Variants in WDR41 observed in about 807,000 individuals in gnomAD.
WDR41 encodes the protein WD repeat domain 41.
WDR41 carries 63 observed loss-of-function variants against 69.3 expected under a neutral mutation model. That is an observed-to-expected ratio of 0.91 (90% CI 0.74 to 1.12). The LOEUF is 1.12. Among genes scored for constraint, WDR41 ranks in the 50% most tolerant of loss-of-function variants. The pLI is 0.00. For synonymous variants in WDR41, 185 were observed against 192.1 expected, an observed-to-expected ratio of 0.96 and a Z score of 0.31; for missense variants, 543 against 534.5, an observed-to-expected ratio of 1.02 and a Z score of -0.16.
intron 1 of WDR41, among the ~76,000 whole-genome samples, chr5:77,599,756 G>A (rs1314817756): frequency 1.3e-5 from 2 of 152,130 alleles, no homozygotes; most frequent in Non-Finnish European, 2.9e-5. Context: ...GGTGGTGGGA[G>A]GTGGTGGCAT....
intron 1 of WDR41, among the ~76,000 whole-genome samples, chr5:77,502,454 A>G (rs1479774532): frequency 6.6e-6 from 1 of 152,194 alleles, no homozygotes; most frequent in Non-Finnish European, 1.5e-5. Flanking sequence ...TCTTCAGGAT[A>G]TTATCCAGGA....
intron 1 of WDR41, among the ~76,000 whole-genome samples, chr5:77,573,059 G>C (rs1743760493): frequency 1.3e-5 from 2 of 152,116 alleles, no homozygotes; most frequent in South Asian, 4.1e-4. Flanking sequence ...TGATGCCACA[G>C]AGCCACAATT....
chr5:77,453,835 T>C lies in WDR41; in HGVS notation c.505A>G (p.Ser169Gly), dbSNP rs755264431. Residue 169 changes from serine (S) to glycine (G), a missense_variant, in exon 6 of 13, where the codon AGC becomes GGC. Ser to Gly is a moderately conservative substitution (Grantham distance 56, BLOSUM62 0). Transcript: ENST00000296679. ...TTTTTACCTGTATCAGAAAGGTGGCTAGTCTTACACAGGAGATCTAATTTT... is the reference window on the plus strand; with the variant it reads ...TTTTTACCTGTATCAGAAAGGTGGCCAGTCTTACACAGGAGATCTAATTTT... Reference protein sequence around the residue: ...NRKLDLLCKTSHLSDTGISAL... With the variant: ...NRKLDLLCKTGHLSDTGISAL... 4.3e-6 allele frequency: 7 copies of C among 1,613,832 alleles called. No individual in the cohort carries two copies. Among genetic ancestry groups the C allele is most frequent in the Non-Finnish European group, 5.9e-6 (7 of 1,179,872 alleles).
chr5:77,609,977 T>G (rs1246980102), intron 1 of WDR41, among the ~76,000 whole-genome samples: 2 of 151,994 alleles, frequency 1.3e-5, no homozygotes, highest in Non-Finnish European at 2.9e-5. Flanking sequence ...CTGATGGAGC[T>G]GAAAGCCAAG....
At chr5:77,438,703 T>C (rs538435180) in intron 9 of WDR41, among the ~76,000 whole-genome samples, 1 of 152,298 alleles carries the variant, frequency 6.6e-6, no homozygotes, top group African/African-American at 2.4e-5. Flanking sequence ...ACCTGAGTTT[T>C]CATTTAAATA....
In WDR41 at chr5:77,431,286, T is replaced by G. The variant is rs1798712938; in HGVS notation, c.*1849A>C. 6.6e-6 allele frequency: 1 copy of G among 152,534 alleles called. No homozygotes were observed. Among genetic ancestry groups the G allele is most frequent in the Non-Finnish European group, 1.5e-5 (1 of 68,032 alleles). 9.4% of individuals were successfully genotyped at this position (152,534 alleles called of 1,614,324 possible). On this transcript the variant is annotated 3_prime_UTR_variant, in exon 13 of 13. Transcript: ENST00000296679. ...GCCACCCCAACCTTCAGTAACCACCTTAGTCAACAGCCAGCAGTATCAAGA... is the reference window on the plus strand; with the variant it reads ...GCCACCCCAACCTTCAGTAACCACCGTAGTCAACAGCCAGCAGTATCAAGA...
intron 2 of WDR41, among the ~76,000 whole-genome samples, chr5:77,481,175 G>A (rs993852602): frequency 2.0e-5 from 3 of 152,002 alleles, no homozygotes; most frequent in African/African-American, 7.2e-5. Context: ...ACGCATGGCT[G>A]ATTTTTGTAT....
At chr5:77,609,245 G>A (rs1744490502) in intron 1 of WDR41, among the ~76,000 whole-genome samples, 1 of 152,228 alleles carries the variant, frequency 6.6e-6, no homozygotes, top group South Asian at 2.1e-4. Context: ...CAAACAAAAA[G>A]ACAGCAGTAA....
chr5:77,566,783 G>A (rs1291018982), intron 1 of WDR41, among the ~76,000 whole-genome samples: 6 of 152,148 alleles, frequency 3.9e-5, no homozygotes, highest in African/African-American at 1.4e-4. Context: ...GACCTGCTAT[G>A]CCTCAGGGTG....
At position 77,433,101 on chromosome 5, in the gene WDR41, A is replaced by G; in HGVS notation, c.*34T>C. On this transcript the variant is annotated 3_prime_UTR_variant, in exon 13 of 13. Coordinates refer to ENST00000296679, the MANE Select transcript of WDR41 (RefSeq NM_018268.4). ...GAGTAGTACCCGATATTTGATGTTC[A>G]AGGTTCATGCATGTGTATTTTTAAT... 1 of 1,570,070 alleles carries G rather than the reference A, an allele frequency of 6.4e-7. No individual in the cohort carries two copies. Among genetic ancestry groups the G allele is most frequent in the Non-Finnish European group, 8.6e-7 (1 of 1,158,978 alleles).
In WDR41 at chr5:77,472,826, G is replaced by A. The variant is rs564964095; in HGVS notation, c.168-8017C>T. Among the ~76,000 whole-genome samples the A allele has an allele frequency of 5.4e-3, 818 of 152,038 alleles. 5 individuals carry two copies. Among genetic ancestry groups the A allele is most frequent in the Non-Finnish European group, 9.1e-3 (617 of 67,972 alleles). On this transcript the variant is annotated intron_variant, in intron 2 of 12. Transcript: ENST00000296679. ...CTCATGGGTAGGAAGAATCAATATC[G>A]TGAAAATGGCCATACTGCCCAAGGT... is the stretch of plus-strand genomic sequence containing the variant.
chr5:77,600,748 C>A (rs1054114697), intron 1 of WDR41, among the ~76,000 whole-genome samples: 1 of 151,970 alleles, frequency 6.6e-6, no homozygotes, highest in South Asian at 2.1e-4. Flanking sequence ...GGGGCAGTGG[C>A]AGGTGCCTGT....
intron 1 of WDR41, among the ~76,000 whole-genome samples, chr5:77,560,109 C>T (rs571123340): frequency 2.3e-4 from 35 of 152,258 alleles, no homozygotes; most frequent in African/African-American, 6.3e-4. Context: ...ATTGCTTTAA[C>T]TGTGATTCAT....
At chr5:77,472,392 C>G (rs1390500367) in intron 2 of WDR41, among the ~76,000 whole-genome samples, 1 of 151,292 alleles carries the variant, frequency 6.6e-6, no homozygotes, top group Non-Finnish European at 1.5e-5. Flanking sequence ...CTCACCACTC[C>G]TATTCAACAT....
At chr5:77,504,048 G>A (rs1802066178) in intron 1 of WDR41, among the ~76,000 whole-genome samples, 1 of 148,612 alleles carries the variant, frequency 6.7e-6, no homozygotes, top group Admixed American at 6.8e-5. Flanking sequence ...GAAGGAGATA[G>A]AGACACGAAA....
chr5:77,494,896 T>TTAGGC (rs1195752034), upstream of WDR41, among the ~76,000 whole-genome samples: 1 of 152,122 alleles, frequency 6.6e-6, no homozygotes, highest in East Asian at 1.9e-4. Context: ...AGACCATATG[T>TTAGGC]TAGGCCACAA....
At chr5:77,608,374 T>C (rs569190356) in intron 1 of WDR41, among the ~76,000 whole-genome samples, 1 of 152,224 alleles carries the variant, frequency 6.6e-6, no homozygotes, top group Non-Finnish European at 1.5e-5. Context: ...AAACATTACA[T>C]GCCTCCTGAT....
chr5:77,468,967 G>GA, intron 2 of WDR41, among the ~76,000 whole-genome samples: 1 of 151,802 alleles, frequency 6.6e-6, no homozygotes, highest in Non-Finnish European at 1.5e-5. Flanking sequence ...TCTTTTTGTT[G>GA]AAAAAAGTTG....
At chr5:77,571,521 C>T (rs1015262920) in intron 1 of WDR41, among the ~76,000 whole-genome samples, 1 of 152,138 alleles carries the variant, frequency 6.6e-6, no homozygotes, top group South Asian at 2.1e-4. Context: ...TTGCTGCACT[C>T]CCAAGTTTCC....
Sources: gnomAD v4.1 joint callset for allele counts (sites outside exome capture counted in the v4.1 genomes callset) on GRCh38, gnomAD v4.1.1 for gene constraint, MANE v1.5 for transcripts, NCBI Gene and HGNC (gene_info 2026-07-23, HGNC 2026-07-21) for gene names.